L3MBTL3: variants seen among roughly 807,000 people sequenced by gnomAD.
L3MBTL3 encodes L3MBTL histone methyl-lysine binding protein 3, also known as lethal(3)malignant brain tumor-like protein 3.
In L3MBTL3, 27 loss-of-function variants were observed where a neutral mutation model predicts 102.3. The observed-to-expected ratio is 0.26, with a 90% CI of 0.19 to 0.36. The LOEUF is 0.36. Among genes scored for constraint, L3MBTL3 ranks in the 10% least tolerant of loss-of-function variants. L3MBTL3 has a pLI of 1.00. For synonymous variants in L3MBTL3, 340 were observed against 320.9 expected (o/e 1.06, Z -0.64); for missense variants, 798 against 955.3 (o/e 0.84, Z 2.17).
In L3MBTL3 at chr6:130,125,480, A is replaced by G. The variant is rs143825591; in HGVS notation, c.1966+4522A>G. On this transcript the variant is annotated intron_variant, in intron 20 of 22. Coordinates refer to ENST00000361794, the MANE Select transcript of L3MBTL3 (RefSeq NM_032438.4). ...TCTAGAACTTTTTATCAGAGGCCCC[A>G]TGGTAATTGTTTTCTGTTTGATCAT... Among the ~76,000 whole-genome samples the G allele has an allele frequency of 9.1e-4, 138 of 152,204 alleles. 1 individual carries two copies. The highest frequency in any genetic ancestry group is 3.2e-3 in the African/African-American group (132 of 41,544).
chr6:130,054,813 G>GT (rs1354228435), intron 7 of L3MBTL3, among the ~76,000 whole-genome samples: 15 of 152,214 alleles, frequency 9.9e-5, no homozygotes, highest in Non-Finnish European at 1.5e-5. Flanking sequence ...ACTAGAAAGA[G>GT]TAGAGAAGGG....
chr6:130,094,441 A>G (rs1784240200), intron 18 of L3MBTL3, 74 bp downstream of exon 18: 3 of 854,062 alleles, frequency 3.5e-6, no homozygotes, highest in Non-Finnish European at 5.3e-6. Flanking sequence ...AATTTCATAT[A>G]TACTAAATTG....
intron 2 of L3MBTL3, among the ~76,000 whole-genome samples, chr6:130,031,231 A>C (rs1779703046): frequency 6.6e-6 from 1 of 152,226 alleles, no homozygotes; most frequent in South Asian, 2.1e-4. Flanking sequence ...CTATACCAAC[A>C]AGCAGGTTCA....
chr6:130,037,998 C>T (rs1780168018), intron 2 of L3MBTL3, among the ~76,000 whole-genome samples: 1 of 151,954 alleles, frequency 6.6e-6, no homozygotes, highest in Admixed American at 6.6e-5. Context: ...ACTTTTTTAG[C>T]TCTCACATAT....
intron 1 of L3MBTL3, among the ~76,000 whole-genome samples, chr6:130,018,916 G>C (rs941853638): frequency 6.6e-6 from 1 of 152,148 alleles, no homozygotes; most frequent in Non-Finnish European, 1.5e-5. Context: ...ACTCGGAAAC[G>C]GCTGGAGGGG....
At chr6:130,136,513 T>C (rs890294225) in intron 22 of L3MBTL3, among the ~76,000 whole-genome samples, 1 of 152,176 alleles carries the variant, frequency 6.6e-6, no homozygotes, top group African/African-American at 2.4e-5. Context: ...TGCCAATTAG[T>C]CCTGCCCTGA....
intron 22 of L3MBTL3, among the ~76,000 whole-genome samples, chr6:130,139,232 A>G (rs572266296): frequency 1.2e-4 from 19 of 152,208 alleles, no homozygotes; most frequent in Admixed American, 5.9e-4. Flanking sequence ...TATGTCCACA[A>G]ACATTCATGT....
chr6:130,040,545 T>C (rs981625056), intron 2 of L3MBTL3, among the ~76,000 whole-genome samples: 7 of 152,190 alleles, frequency 4.6e-5, no homozygotes, highest in African/African-American at 1.4e-4. Flanking sequence ...GAAAAGTCTT[T>C]AGCCATCTGG....
At chr6:130,098,775 G>C (rs1185707471) in intron 18 of L3MBTL3, among the ~76,000 whole-genome samples, 2 of 151,884 alleles carry the variant, frequency 1.3e-5, no homozygotes, top group Non-Finnish European at 2.9e-5. Flanking sequence ...TTCAACCCAG[G>C]CTTGTAAGGC....
At chr6:130,034,395 T>C (rs1275646682) in intron 2 of L3MBTL3, among the ~76,000 whole-genome samples, 1 of 152,250 alleles carries the variant, frequency 6.6e-6, no homozygotes, top group South Asian at 2.1e-4. Context: ...TATCTACTTA[T>C]CTCACTTGAT....
intron 2 of L3MBTL3, among the ~76,000 whole-genome samples, chr6:130,023,162 CAAAAG>C (rs1331532475): frequency 6.6e-6 from 1 of 151,962 alleles, no homozygotes; most frequent in Non-Finnish European, 1.5e-5. Flanking sequence ...TTGGCAAAAA[CAAAAG>C]AAAACCAAAA....
At chr6:130,033,851 C>T (rs898047182) in intron 2 of L3MBTL3, among the ~76,000 whole-genome samples, 19 of 152,246 alleles carry the variant, frequency 1.2e-4, no homozygotes, top group Non-Finnish European at 2.6e-4. Flanking sequence ...TGAATGTTAA[C>T]TAGCCATTCT....
At chr6:130,024,847 T>C (rs1426247452) in intron 2 of L3MBTL3, among the ~76,000 whole-genome samples, 1 of 152,162 alleles carries the variant, frequency 6.6e-6, no homozygotes, top group Non-Finnish European at 1.5e-5. Flanking sequence ...CAGTTGCACA[T>C]GGTACCATTA....
At chr6:130,028,073 CTTT>C (rs67901301) in intron 2 of L3MBTL3, among the ~76,000 whole-genome samples, 9 of 141,176 alleles carry the variant, frequency 6.4e-5, no homozygotes, top group Admixed American at 3.5e-4. Context: ...TTCTGTGTAC[CTTT>C]TTTTTTTTTT....
At chr6:130,108,240 T>TTTTTTTTTTTTTTTTTTTTTTTTTTG in intron 19 of L3MBTL3, among the ~76,000 whole-genome samples, 1 of 140,014 alleles carries the variant, frequency 7.1e-6, no homozygotes, top group Non-Finnish European at 1.6e-5. Flanking sequence ...TGTTTTTTTT[T>TTTTTTTTTTTTTTTTTTTTTTTTTTG]TTTTTTTTTT....
intron 22 of L3MBTL3, among the ~76,000 whole-genome samples, chr6:130,139,009 AC>A (rs1241992384): frequency 6.6e-6 from 1 of 152,142 alleles, no homozygotes; most frequent in Non-Finnish European, 1.5e-5. Flanking sequence ...TATTAGAAGA[AC>A]CACCTTAAAG....
intron 15 of L3MBTL3, among the ~76,000 whole-genome samples, chr6:130,085,223 A>G (rs554315387): frequency 1.3e-5 from 2 of 152,170 alleles, no homozygotes; most frequent in East Asian, 1.9e-4. Context: ...CAATCACCTT[A>G]TCTTCCACTG....
intron 18 of L3MBTL3, among the ~76,000 whole-genome samples, chr6:130,098,237 G>A (rs1415056725): frequency 2.6e-5 from 4 of 152,130 alleles, no homozygotes; most frequent in Admixed American, 2.6e-4. Flanking sequence ...AGTAACTCTT[G>A]GTATGCCCCT....
intron 20 of L3MBTL3, among the ~76,000 whole-genome samples, chr6:130,130,223 A>G (rs73780146): frequency 0.02 from 3,050 of 152,316 alleles, 116 homozygotes; most frequent in African/African-American, 0.07. Context: ...CTAAGGAACA[A>G]TGTGCGGAAC....
Sources: allele counts gnomAD v4.1 joint callset (sites outside exome capture counted in the v4.1 genomes callset), GRCh38; gene constraint gnomAD v4.1.1; transcripts MANE v1.5; gene names NCBI Gene and HGNC (gene_info 2026-07-23, HGNC 2026-07-21).